RBFOX1: variants seen among roughly 807,000 people sequenced by gnomAD.
RBFOX1 encodes the protein RNA binding fox-1 homolog 1, also known as RNA binding protein fox-1 homolog 1.
RBFOX1 carries 8 observed loss-of-function variants against 57.7 expected under a neutral mutation model. The observed-to-expected ratio is 0.14, with a 90% CI of 0.08 to 0.25. The LOEUF is 0.25. Among genes scored for constraint, RBFOX1 ranks in the 10% least tolerant of loss-of-function variants. RBFOX1 has a pLI of 1.00. For missense variants in RBFOX1, 611 were observed against 548.5 expected, an observed-to-expected ratio of 1.11 and a Z score of -1.14; for synonymous variants, 326 against 222.4, an observed-to-expected ratio of 1.47 and a Z score of -4.15.
At chr16:5,302,394 A>G (rs1001155434) in intron 1 of RBFOX1, among the ~76,000 whole-genome samples, 3 of 152,308 alleles carry the variant, frequency 2.0e-5, no homozygotes, top group African/African-American at 2.4e-5. Context: ...AGGCACTTGA[A>G]AAGAATGTGT....
At chr16:5,848,726 C>T (rs918728625) in intron 3 of RBFOX1, among the ~76,000 whole-genome samples, 1 of 152,072 alleles carries the variant, frequency 6.6e-6, no homozygotes, top group East Asian at 1.9e-4. Context: ...GTGGGTGGAT[C>T]ACCTGAGGTC....
At chr16:7,179,418 T>C (rs1208474130) in intron 4 of RBFOX1, among the ~76,000 whole-genome samples, 2 of 152,166 alleles carry the variant, frequency 1.3e-5, no homozygotes, top group Non-Finnish European at 2.9e-5. Flanking sequence ...CTCTCAATGA[T>C]GTGTCCAATC....
chr16:6,470,642 T>C (rs1037091045), intron 2 of RBFOX1, among the ~76,000 whole-genome samples: 2 of 152,172 alleles, frequency 1.3e-5, no homozygotes, highest in African/African-American at 4.8e-5. Context: ...CCTACCCAAC[T>C]TGATGTGGTC....
chr16:7,632,873 A>G (rs1019805443), intron 11 of RBFOX1, among the ~76,000 whole-genome samples: 10 of 151,924 alleles, frequency 6.6e-5, no homozygotes, highest in African/African-American at 1.4e-4. Flanking sequence ...CTATATTTCA[A>G]TTTTCTTTAC....
At chr16:7,306,138 G>T (rs1568127566) in intron 4 of RBFOX1, among the ~76,000 whole-genome samples, 1 of 151,942 alleles carries the variant, frequency 6.6e-6, no homozygotes, top group Non-Finnish European at 1.5e-5. Flanking sequence ...GGTACTCAAT[G>T]TTCTCCGTTC....
chr16:6,635,008 TTTA>T (rs1325607500), intron 2 of RBFOX1, among the ~76,000 whole-genome samples: 2 of 143,228 alleles, frequency 1.4e-5, no homozygotes, highest in African/African-American at 5.0e-5. Context: ...AATATAATAC[TTTA>T]TTATGTTACA....
chr16:6,085,951 G>C (rs1045057700), intron 1 of RBFOX1, among the ~76,000 whole-genome samples: 5 of 152,018 alleles, frequency 3.3e-5, no homozygotes, highest in African/African-American at 1.2e-4. Context: ...ACATGCATTA[G>C]CCATTTATCC....
intron 2 of RBFOX1, among the ~76,000 whole-genome samples, chr16:6,583,103 T>A (rs1248956377): frequency 6.6e-6 from 1 of 152,022 alleles, no homozygotes; most frequent in Non-Finnish European, 1.5e-5. Context: ...AGGAAGAGGA[T>A]GGATAGTATC....
intron 1 of RBFOX1, among the ~76,000 whole-genome samples, chr16:5,438,371 G>A (rs1368670184): frequency 6.6e-6 from 1 of 152,190 alleles, no homozygotes; most frequent in Admixed American, 6.5e-5. Context: ...TATTTGTTGA[G>A]CATCTGCTTT....
intron 2 of RBFOX1, among the ~76,000 whole-genome samples, chr16:6,365,769 T>G (rs2152880067): frequency 6.6e-6 from 1 of 152,314 alleles, no homozygotes; most frequent in South Asian, 2.1e-4. Context: ...CTCAAGATGG[T>G]TAACCTCAGT....
intron 4 of RBFOX1, among the ~76,000 whole-genome samples, chr16:7,307,776 A>T (rs1369281317): frequency 1.3e-5 from 2 of 152,158 alleles, no homozygotes; most frequent in African/African-American, 4.8e-5. Context: ...AGTATAGAGC[A>T]TATATTTTGT....
At chr16:5,547,055 A>G (rs775348601) in intron 2 of RBFOX1, among the ~76,000 whole-genome samples, 1 of 152,212 alleles carries the variant, frequency 6.6e-6, no homozygotes, top group Non-Finnish European at 1.5e-5. Flanking sequence ...ATGAGATACC[A>G]TTATACATCT....
At chr16:6,895,456 A>ATGTATG (rs1567761417) in intron 3 of RBFOX1, among the ~76,000 whole-genome samples, 2 of 79,514 alleles carry the variant, frequency 2.5e-5, no homozygotes, top group Admixed American at 2.3e-4. Context: ...GTGTATATAT[A>ATGTATG]TATATATATA....
intron 2 of RBFOX1, among the ~76,000 whole-genome samples, chr16:5,553,223 T>C (rs1240139369): frequency 6.6e-6 from 1 of 152,068 alleles, no homozygotes; most frequent in Admixed American, 6.5e-5. Flanking sequence ...ATGGCACATA[T>C]ATACCTATGT....
intron 4 of RBFOX1, among the ~76,000 whole-genome samples, chr16:7,081,332 G>C (rs1177197941): frequency 6.6e-6 from 1 of 152,158 alleles, no homozygotes; most frequent in African/African-American, 2.4e-5. Context: ...ACCACGCCCG[G>C]CCCACACTGG....
At chr16:6,903,279 A>G (rs1018867637) in intron 3 of RBFOX1, among the ~76,000 whole-genome samples, 20 of 152,208 alleles carry the variant, frequency 1.3e-4, no homozygotes, top group South Asian at 6.2e-4. Context: ...TCATATGGCC[A>G]GGAGGGCTGA....
chr16:6,916,584 C>T (rs1426576815), intron 3 of RBFOX1, among the ~76,000 whole-genome samples: 1 of 151,970 alleles, frequency 6.6e-6, no homozygotes, highest in African/African-American at 2.4e-5. Context: ...TCGTGACCTA[C>T]ACACTTGTAA....
At chr16:5,820,302 A>G (rs1380500455) in intron 3 of RBFOX1, among the ~76,000 whole-genome samples, 2 of 152,208 alleles carry the variant, frequency 1.3e-5, no homozygotes, top group African/African-American at 4.8e-5. Context: ...ATCACGTGGA[A>G]TAGGGCACAG....
intron 3 of RBFOX1, chr16:6,704,445 G>A (rs74006724): frequency 6.6e-6 from 1 of 152,394 alleles, no homozygotes; most frequent in African/African-American, 2.4e-5. Context: ...CATGGCTCTA[G>A]CTGGGCTCAG....
Sources: allele counts gnomAD v4.1 joint callset (sites outside exome capture counted in the v4.1 genomes callset), GRCh38; gene constraint gnomAD v4.1.1; transcripts MANE v1.5; gene names NCBI Gene and HGNC (gene_info 2026-07-23, HGNC 2026-07-21).